The following MARCHF8 variants were observed in gnomAD, a reference collection of about 807,000 sequenced individuals.
MARCHF8 encodes the protein E3 ubiquitin-protein ligase MARCHF8.
A neutral mutation model predicts 51.6 loss-of-function variants in MARCHF8; 40 were observed. The ratio of observed to expected loss-of-function variants is 0.77; its 90% CI spans 0.60 to 1.01. The LOEUF (loss-of-function observed/expected upper bound fraction) is 1.01, where lower values mean the gene tolerates loss of function less well. Ranked by LOEUF, MARCHF8 falls within the 50% of genes least tolerant of loss-of-function variation. The pLI is 0.00. For missense variants in MARCHF8, 685 were observed against 708.6 expected (o/e 0.97, Z 0.38); for synonymous variants, 263 against 280.3 (o/e 0.94, Z 0.62).
chr10:45,526,837 T>C (rs2043802273), intron 2 of MARCHF8, among the ~76,000 whole-genome samples: 1 of 152,184 alleles, frequency 6.6e-6, no homozygotes, highest in African/African-American at 2.4e-5. Context: ...CTTATTAGCA[T>C]GTGGAACATT....
chr10:45,495,941 T>C (rs2043167904), intron 2 of MARCHF8, among the ~76,000 whole-genome samples: 1 of 152,052 alleles, frequency 6.6e-6, no homozygotes, highest in African/African-American at 2.4e-5. Flanking sequence ...ACTCATCATA[T>C]TCTCCATGGT....
At position 45,458,534 on chromosome 10, in the gene MARCHF8, T is replaced by A; in HGVS notation, c.1427A>T (p.Glu476Val). The change falls in exon 8 of 8, where the codon GAA becomes GTA. Residue 476 changes from glutamate (E) to valine (V), a missense_variant. By Grantham distance (121) the Glu-to-Val change is moderately radical (BLOSUM62 -2). Transcript: ENST00000453424. ...IKQGQATGIL[E>V]WPFWTKLVVV... ...CACCAATTTAGTCCAAAAGGGCCAT[T>A]CTAGGATTCCTGGAAGGGAAAAACT... The A allele has an allele frequency of 1.3e-6, 2 of 1,581,940 alleles. No individual in the cohort carries two copies. Among genetic ancestry groups the A allele is most frequent in the Non-Finnish European group, 1.7e-6 (2 of 1,166,858 alleles).
At chr10:45,550,289 G>C (rs1199108347) in intron 1 of MARCHF8, among the ~76,000 whole-genome samples, 1 of 152,138 alleles carries the variant, frequency 6.6e-6, no homozygotes, top group Non-Finnish European at 1.5e-5. Context: ...TTAGATACTT[G>C]AATTCCTTCT....
At chr10:45,534,217 G>A (rs1255489306) in intron 1 of MARCHF8, among the ~76,000 whole-genome samples, 1 of 137,264 alleles carries the variant, frequency 7.3e-6, no homozygotes, top group Non-Finnish European at 1.5e-5. Flanking sequence ...AAAAGAGTAT[G>A]TACATGAATG....
intron 3 of MARCHF8, among the ~76,000 whole-genome samples, chr10:45,480,652 G>A (rs1185432121): frequency 2.6e-5 from 4 of 152,222 alleles, no homozygotes; most frequent in Admixed American, 2.0e-4. Flanking sequence ...TCCATGTGGT[G>A]TTGAGCCTGC....
chr10:45,543,071 T>TA (rs2133312806), intron 1 of MARCHF8, among the ~76,000 whole-genome samples: 1 of 152,364 alleles, frequency 6.6e-6, no homozygotes, highest in East Asian at 1.9e-4. Context: ...CAGTAAGGTC[T>TA]ACAATGCTCT....
Position 45,463,450 on chromosome 10 carries a change from G to T in MARCHF8, c.789C>A (p.Phe263Leu). The T allele has an allele frequency of 6.4e-7, 1 of 1,550,648 alleles. No homozygotes were observed. ...SRSRQLLQYL[F>L]SLSHGLSASS... The stretch of plus-strand genomic sequence containing the variant: ...TGGCGCTCAAGCCGTGCGAGAGTGA[G>T]AACAGGTACTGGAGCAGTTGCCGGC... The change falls in exon 5 of 8, where the codon TTC becomes TTA. Residue 263 changes from phenylalanine to leucine, a missense_variant. By Grantham distance (22) the Phe-to-Leu change is conservative. Transcript: ENST00000453424.
At chr10:45,462,719 G>A (rs977820175) in intron 5 of MARCHF8, among the ~76,000 whole-genome samples, 9 of 151,356 alleles carry the variant, frequency 5.9e-5, no homozygotes, top group South Asian at 2.1e-4. Context: ...TCCGCCTCCC[G>A]GGTTCAAGCA....
intron 1 of MARCHF8, chr10:45,593,398 C>T (rs1009704339): frequency 6.6e-6 from 1 of 152,122 alleles, no homozygotes; most frequent in African/African-American, 2.4e-5. Context: ...TGAAACAGGA[C>T]ATCCTTCTCT....
chr10:45,589,954 C>T (rs2044660135), intron 1 of MARCHF8, among the ~76,000 whole-genome samples: 1 of 152,190 alleles, frequency 6.6e-6, no homozygotes, highest in Non-Finnish European at 1.5e-5. Flanking sequence ...TTTATCATCC[C>T]TTATCCCAAA....
chr10:45,518,342 C>T (rs1297407961), intron 2 of MARCHF8, among the ~76,000 whole-genome samples: 3 of 152,320 alleles, frequency 2.0e-5, no homozygotes, highest in East Asian at 1.9e-4. Context: ...TGACACAGAA[C>T]GCAGTTTGCA....
At chr10:45,570,923 A>G (rs919788739) in intron 1 of MARCHF8, among the ~76,000 whole-genome samples, 1 of 152,076 alleles carries the variant, frequency 6.6e-6, no homozygotes, top group African/African-American at 2.4e-5. Flanking sequence ...AACACTGCTG[A>G]AAGAAATACC....
chr10:45,482,364 T>C (rs1249295079), intron 3 of MARCHF8, among the ~76,000 whole-genome samples: 10 of 152,072 alleles, frequency 6.6e-5, no homozygotes, highest in Non-Finnish European at 1.5e-4. Context: ...AAAACAATCC[T>C]AAGAAAAACA....
At chr10:45,508,646 A>C (rs1376119746) in intron 2 of MARCHF8, among the ~76,000 whole-genome samples, 1 of 152,082 alleles carries the variant, frequency 6.6e-6, no homozygotes, top group Non-Finnish European at 1.5e-5. Context: ...CTTAGGACCC[A>C]CTCCAGACTT....
chr10:45,519,258 G>C (rs1189335385), intron 2 of MARCHF8, among the ~76,000 whole-genome samples: 2 of 152,154 alleles, frequency 1.3e-5, no homozygotes, highest in African/African-American at 4.8e-5. Context: ...TATTACATGA[G>C]ATAAACAGGT....
chr10:45,463,634 T>C lies in MARCHF8; in HGVS notation c.605A>G (p.Lys202Arg), dbSNP rs1469406916. 1 of 1,550,700 alleles carries C rather than the reference T, an allele frequency of 6.4e-7. No homozygotes were observed. The highest frequency in any genetic ancestry group is 1.2e-5 in the South Asian group (1 of 84,068). Residue 202 changes from lysine (K) to arginine (R), a missense_variant, in exon 5 of 8, where the codon AAA (lysine) becomes AGA (arginine). Physicochemically the swap from Lys to Arg is conservative, Grantham distance 26 (BLOSUM62 2). Coordinates refer to ENST00000453424, the MANE Select transcript of MARCHF8 (RefSeq NM_001282866.2). ...LRTNRFHHKE[K>R]RTLNHKPLGN... ...AAGAGGTTTGTGGTTCAGGGTTCTT[T>C]TTTCTTTATGATGAAACCTGTTAGT... is the stretch of plus-strand genomic sequence containing the variant.
chr10:45,461,514 C>T, intron 5 of MARCHF8, 103 bp from the exon 6 acceptor site: 1 of 1,018,280 alleles, frequency 9.8e-7, no homozygotes, highest in Non-Finnish European at 1.3e-6. Flanking sequence ...CAGAAACGAA[C>T]ATTACAGAAG....
At chr10:45,530,969 A>C (rs2043872365) in intron 2 of MARCHF8, among the ~76,000 whole-genome samples, 1 of 152,224 alleles carries the variant, frequency 6.6e-6, no homozygotes, top group Non-Finnish European at 1.5e-5. Context: ...ACAAATGTCT[A>C]GTGATAAAAC....
chr10:45,499,171 T>C (rs1383105670), intron 2 of MARCHF8, among the ~76,000 whole-genome samples: 1 of 152,232 alleles, frequency 6.6e-6, no homozygotes, highest in Non-Finnish European at 1.5e-5. Context: ...TATCTCACTG[T>C]GGTTTTGATT....
Sources: allele counts gnomAD v4.1 joint callset (sites outside exome capture counted in the v4.1 genomes callset), GRCh38; gene constraint gnomAD v4.1.1; transcripts MANE v1.5; gene names NCBI Gene and HGNC (gene_info 2026-07-23, HGNC 2026-07-21).